The following CELF2 variants were observed in gnomAD, a reference collection of about 807,000 sequenced individuals.
CELF2 encodes the protein CUGBP Elav-like family member 2.
Under a neutral mutation model 62.6 loss-of-function variants are expected in CELF2, and 8 were observed. That is an observed-to-expected ratio of 0.13 (90% CI 0.07 to 0.23). CELF2 has a LOEUF of 0.23. Among genes scored for constraint, CELF2 ranks in the 10% least tolerant of loss-of-function variants. The pLI, the probability that CELF2 is intolerant of heterozygous loss-of-function variation, is 1.00. For synonymous variants in CELF2, 258 were observed against 250.0 expected (o/e 1.03, Z -0.30); for missense variants, 333 against 671.0 (o/e 0.50, Z 5.56).
At chr10:10,480,443 T>C in the CELF2 span, among the ~76,000 whole-genome samples, 4 of 152,322 alleles carry the variant, frequency 2.6e-5, no homozygotes, top group East Asian at 7.7e-4. Flanking sequence ...TGTGGCTCTC[T>C]CAATTTGAGG....
chr10:11,180,003 A>G (rs887776212), intron 2 of CELF2, among the ~76,000 whole-genome samples: 35 of 152,258 alleles, frequency 2.3e-4, no homozygotes, highest in African/African-American at 7.9e-4. Flanking sequence ...AGCAGCCCCA[A>G]ATATATAAGG....
At chr10:10,943,703 A>G (rs2047305564) in intron 2 of CELF2, among the ~76,000 whole-genome samples, 1 of 151,840 alleles carries the variant, frequency 6.6e-6, no homozygotes, top group Admixed American at 6.5e-5. Context: ...GGTTCCAGCA[A>G]TTCTCCCACC....
chr10:11,311,238 A>G lies in CELF2; in HGVS notation c.977-2901A>G, dbSNP rs111612345. Among the ~76,000 whole-genome samples the G allele has an allele frequency of 0.015, 2,312 of 152,298 alleles. 28 individuals are homozygous for G. Among genetic ancestry groups the G allele is most frequent in the Non-Finnish European group, 0.023 (1,541 of 68,028 alleles). On this transcript the variant is annotated intron_variant, in intron 9 of 12. Transcript: ENST00000633077. This position sits in a 1 kb window ranked among gnomAD's most constrained non-coding sequence, Gnocchi z 4.7. ...CTCTGAGAATTCATAACAATAAACC[A>G]TCCCTCACGTGAGTTTACAACCCAG...
At chr10:10,855,073 G>T (rs1025977671) in intron 1 of CELF2, among the ~76,000 whole-genome samples, 1 of 152,178 alleles carries the variant, frequency 6.6e-6, no homozygotes, top group African/African-American at 2.4e-5. Context: ...GGGTCCACCA[G>T]CCTCTCTCTG....
chr10:11,212,420 A>G (rs1257744216), intron 2 of CELF2, among the ~76,000 whole-genome samples: 1 of 152,128 alleles, frequency 6.6e-6, no homozygotes, highest in East Asian at 1.9e-4. Context: ...TTCCTTTCCT[A>G]AGGGCCCTGC....
the CELF2 span, among the ~76,000 whole-genome samples, chr10:10,676,003 A>G: frequency 6.6e-6 from 1 of 152,102 alleles, no homozygotes; most frequent in East Asian, 1.9e-4. Flanking sequence ...GCCTTTTAGT[A>G]TGGCTTGTAA....
the CELF2 span, among the ~76,000 whole-genome samples, chr10:10,680,672 A>G: frequency 2.0e-5 from 3 of 152,246 alleles, no homozygotes; most frequent in African/African-American, 7.2e-5. Context: ...GGCCTCTGAC[A>G]TAAATCACAT....
At chr10:10,692,002 CTT>C in the CELF2 span, among the ~76,000 whole-genome samples, 1 of 151,794 alleles carries the variant, frequency 6.6e-6, no homozygotes, top group Admixed American at 6.6e-5. Flanking sequence ...TGCAGAAGCT[CTT>C]TAGTTTAATG....
chr10:11,085,381 A>G (rs999404342), intron 1 of CELF2, among the ~76,000 whole-genome samples: 4 of 152,194 alleles, frequency 2.6e-5, no homozygotes, highest in African/African-American at 4.8e-5. Context: ...ATTGAAAAAC[A>G]TGGGGTACCT....
chr10:10,694,770 C>T, the CELF2 span, among the ~76,000 whole-genome samples: 2 of 151,712 alleles, frequency 1.3e-5, no homozygotes, highest in South Asian at 2.1e-4. Context: ...TATGTAGTGG[C>T]CTTCTTTGTC....
the CELF2 span, among the ~76,000 whole-genome samples, chr10:10,618,281 G>C: frequency 6.6e-6 from 1 of 151,936 alleles, no homozygotes; most frequent in South Asian, 2.1e-4. Context: ...GGTGCACAGG[G>C]ACCAGGCTGC....
rs556693771 is a variant in CELF2, at chr10:11,333,613, ATT to A, written c.*4562_*4563del. ...TTGAATAATGTCATACAAAAAATGT[ATT>A]TGTTTTTTTGTGCTGTGAGAATTGA... On this transcript the variant is annotated 3_prime_UTR_variant, in exon 13 of 13. Transcript: ENST00000633077. 658 of 152,666 alleles carry A rather than the reference ATT, an allele frequency of 4.3e-3. 3 individuals are homozygous for A. The highest frequency in any genetic ancestry group is 0.015 in the African/African-American group (626 of 41,572). 9.5% of individuals were successfully genotyped at this position (152,666 alleles called of 1,614,324 possible).
chr10:10,861,568 C>A (rs1323671297), intron 1 of CELF2, among the ~76,000 whole-genome samples: 1 of 152,100 alleles, frequency 6.6e-6, no homozygotes, highest in East Asian at 1.9e-4. Flanking sequence ...GTGAAAGGGG[C>A]TTTAGGTAAA....
In CELF2 at chr10:11,335,499, G is replaced by C. The variant is rs2096102567; in HGVS notation, c.*6446G>C. The C allele has an allele frequency of 6.6e-6, 1 of 152,366 alleles. No homozygotes were observed. The highest frequency in any genetic ancestry group is 3.4e-3 in the Middle Eastern group (1 of 292). The allele number at this position is 152,366 out of a possible 1,614,324, so 9.4% of individuals were successfully genotyped here. On this transcript the variant is annotated 3_prime_UTR_variant, in exon 13 of 13. Transcript: ENST00000633077. This position sits in a 1 kb window ranked among gnomAD's most constrained non-coding sequence, Gnocchi z 5.0. ...TTTCTAGTCTGCTCAAGAACAGAGGGGCCTGGCGAGGTGGAGGAAGGGAGG... is the reference window on the plus strand; with the variant it reads ...TTTCTAGTCTGCTCAAGAACAGAGGCGCCTGGCGAGGTGGAGGAAGGGAGG...
Position 11,319,987 on chromosome 10 carries a change from T to C in CELF2, c.1097-1202T>C. ...CCATTCTCATTAGACTTCTTACCTA[T>C]TTTTTCAGTTAGCCATCCTTGCTGT... On this transcript the variant is annotated intron_variant, in intron 10 of 12. Transcript: ENST00000633077. This position sits in a 1 kb window ranked among gnomAD's most constrained non-coding sequence, Gnocchi z 4.4. 1 of 385,244 alleles carries C rather than the reference T, an allele frequency of 2.6e-6. No individual in the cohort carries two copies. Among genetic ancestry groups the C allele is most frequent in the South Asian group, 1.9e-5 (1 of 52,510 alleles). The allele number at this position is 385,244 out of a possible 1,614,324, so 23.9% of individuals were successfully genotyped here.
chr10:11,014,620 AGT>A (rs1047495727), upstream of CELF2, among the ~76,000 whole-genome samples: 1 of 151,868 alleles, frequency 6.6e-6, no homozygotes, highest in Non-Finnish European at 1.5e-5. Flanking sequence ...GTTTCCATTG[AGT>A]GTGTTTTTTT....
chr10:10,990,109 T>C lies in CELF2; in HGVS notation c.89+70110T>C, dbSNP rs1218981598. On this transcript the variant is annotated intron_variant, in intron 2 of 13. Transcript: ENST00000636488. The surrounding 1 kb of genome is among the most constrained non-coding windows in gnomAD (Gnocchi z 4.6). ...AATTACCCACATACATTCACAAGAA[T>C]TTTCATCTCAATGCTATATATAAAA... 1.3e-5 allele frequency among the ~76,000 whole-genome samples: 2 copies of C among 152,162 alleles called. No individual in the cohort carries two copies. The highest frequency in any genetic ancestry group is 4.8e-5 in the African/African-American group (2 of 41,464).
At chr10:10,759,530 G>A in the CELF2 span, among the ~76,000 whole-genome samples, 107 of 151,592 alleles carry the variant, frequency 7.1e-4, no homozygotes, top group African/African-American at 2.4e-3. Context: ...GGCTGGTCTC[G>A]AACTCCTGAC....
chr10:11,066,432 C>T (rs759293146), intron 1 of CELF2, among the ~76,000 whole-genome samples: 13 of 151,970 alleles, frequency 8.6e-5, no homozygotes, highest in South Asian at 2.1e-4. Context: ...GGGGAGGACC[C>T]GGAGACTGGG....
Sources: allele counts gnomAD v4.1 joint callset (sites outside exome capture counted in the v4.1 genomes callset), GRCh38; gene constraint gnomAD v4.1.1; non-coding constraint Gnocchi (gnomAD v3.1); transcripts MANE v1.5; gene names NCBI Gene and HGNC (gene_info 2026-07-23, HGNC 2026-07-21).